The following DNAH14 variants were observed in gnomAD, a reference collection of about 807,000 sequenced individuals.
DNAH14 encodes dynein axonemal heavy chain 14.
In DNAH14, 478 loss-of-function variants were observed where a neutral mutation model predicts 520.9. The observed-to-expected ratio is 0.92, with a 90% CI of 0.85 to 0.99. The LOEUF (loss-of-function observed/expected upper bound fraction) is 0.99. DNAH14 is among the 50% of genes least tolerant of loss of function. DNAH14 has a pLI of 0.00. For missense variants in DNAH14, 4,831 were observed against 5,234.5 expected, an observed-to-expected ratio of 0.92 and a Z score of 2.38; for synonymous variants, 1,581 against 1,757.2, an observed-to-expected ratio of 0.90 and a Z score of 2.51.
rs1391706094 is a variant in DNAH14 at position 224,929,769 on chromosome 1, G to A, written c.-100G>A. 2 of 701,966 alleles carry A rather than the reference G, an allele frequency of 2.8e-6. No individual in the cohort carries two copies. Among genetic ancestry groups the A allele is most frequent in the African/African-American group, 1.7e-5 (1 of 57,370 alleles). The allele number at this position is 701,966 out of a possible 1,614,324, so 43.5% of individuals were successfully genotyped here. A position where few individuals can be genotyped will look rare whatever the true frequency, so the allele number is the denominator to read the frequency against. On this transcript the variant is annotated 5_prime_UTR_variant, in exon 1 of 86. It adds an upstream start codon to the 5' untranslated region. Transcript: ENST00000682510. ...TCACCCTAGTCTGGCGCTCGCCGGC[G>A]TGGGCGGGCCGGACCTTCGCCGCTT...
intron 42 of DNAH14, among the ~76,000 whole-genome samples, chr1:225,236,945 C>T (rs2091629301): frequency 6.6e-6 from 1 of 151,872 alleles, no homozygotes; most frequent in South Asian, 2.1e-4. Context: ...TATGTAATGC[C>T]CTTCTTTGTC....
At chr1:225,310,664 T>C (rs2094345576) in intron 60 of DNAH14, among the ~76,000 whole-genome samples, 1 of 152,192 alleles carries the variant, frequency 6.6e-6, no homozygotes, top group African/African-American at 2.4e-5. Flanking sequence ...GTTCTCATTG[T>C]TCAACTCCCA....
At chr1:225,310,715 G>A (rs12403447) in intron 60 of DNAH14, among the ~76,000 whole-genome samples, 1 of 152,058 alleles carries the variant, frequency 6.6e-6, no homozygotes, top group African/African-American at 2.4e-5. Flanking sequence ...TTCTGTTCTT[G>A]TGTTAGTTTG....
chr1:225,007,539 C>A lies in DNAH14; in HGVS notation c.1102C>A (p.Leu368Ile). 1 of 1,521,768 alleles carries A rather than the reference C, an allele frequency of 6.6e-7. No homozygotes were observed. Among genetic ancestry groups the A allele is most frequent in the Non-Finnish European group, 8.8e-7 (1 of 1,131,580 alleles). 94.3% of individuals were successfully genotyped at this position (1,521,768 alleles called of 1,614,324 possible). A position where few individuals can be genotyped will look rare whatever the true frequency, so the allele number is the denominator to read the frequency against. The change falls in exon 10 of 86, where the codon CTA becomes ATA. Residue 368 changes from leucine to isoleucine, a missense_variant. By Grantham distance (5) the Leu-to-Ile change is conservative (BLOSUM62 2). Transcript: ENST00000682510. ...AATTTCAGAGATGAAAAGTACTTTT[C>A]TAAAGGTAATTCTTTAATTATATCA... ...KAISEMKSTF[L>I]KVAEKNEIKE...
intron 21 of DNAH14, among the ~76,000 whole-genome samples, chr1:225,087,703 A>G (rs969613834): frequency 3.3e-5 from 5 of 152,204 alleles, no homozygotes; most frequent in Admixed American, 2.0e-4. Context: ...GGTCTGGAGA[A>G]CCAATGGAGG....
chr1:225,082,171 G>GGTTTGTGTGTGTGT (rs1553434194), intron 19 of DNAH14, among the ~76,000 whole-genome samples: 1 of 145,212 alleles, frequency 6.9e-6, no homozygotes, highest in Non-Finnish European at 1.5e-5. Flanking sequence ...GAATGTTTGT[G>GGTTTGTGTGTGTGT]GTGTGTGTGT....
At chr1:225,315,532 GA>G (rs1254527324) in intron 60 of DNAH14, among the ~76,000 whole-genome samples, 1 of 152,012 alleles carries the variant, frequency 6.6e-6, no homozygotes, top group Non-Finnish European at 1.5e-5. Context: ...CTGTGTTTTG[GA>G]ATTTTCAGCA....
intron 35 of DNAH14, among the ~76,000 whole-genome samples, chr1:225,167,467 T>A (rs1357273751): frequency 6.6e-6 from 1 of 152,204 alleles, no homozygotes; most frequent in African/African-American, 2.4e-5. Context: ...AACCACATCA[T>A]GTCTTTAATC....
rs754883143 is a variant in DNAH14 at position 225,364,812 on chromosome 1, C to T, written c.12008C>T (p.Thr4003Ile). The T allele has an allele frequency of 1.2e-5, 18 of 1,547,734 alleles. No individual in the cohort carries two copies. The African/African-American group carries it at 1.9e-4, about 17-fold the overall frequency. ...IVESFNSPNV[T>I]IDPEFRLWLS... ...TGCAGTTTTAATAGTCCAAACGTGACAATAGACCCTGAGTTTCGGCTATGG... is the reference window on the plus strand; with the variant it reads ...TGCAGTTTTAATAGTCCAAACGTGATAATAGACCCTGAGTTTCGGCTATGG... Residue 4003 changes from threonine (T) to isoleucine (I), a missense_variant, in exon 76 of 86, where the codon ACA becomes ATA. By Grantham distance (89) the Thr-to-Ile change is moderately conservative. Transcript: ENST00000682510.
At chr1:225,125,720 C>T (rs1239142238) in intron 27 of DNAH14, among the ~76,000 whole-genome samples, 1 of 152,226 alleles carries the variant, frequency 6.6e-6, no homozygotes, top group Non-Finnish European at 1.5e-5. Context: ...AGTGTGTTCA[C>T]AGGAGTAGCA....
chr1:225,374,961 T>C, intron 78 of DNAH14, 76 bp downstream of exon 78: 2 of 1,307,764 alleles, frequency 1.5e-6, no homozygotes, highest in South Asian at 1.7e-5. Flanking sequence ...AAAATACATA[T>C]TTAAATAAAT....
chr1:225,021,771 C>CA (rs999936494), intron 10 of DNAH14, among the ~76,000 whole-genome samples: 59 of 148,512 alleles, frequency 4.0e-4, no homozygotes, highest in Admixed American at 6.0e-4. Flanking sequence ...TTTCACAATT[C>CA]AAAAAAAAAA....
At chr1:225,061,343 A>G (rs1273243808) in intron 17 of DNAH14, among the ~76,000 whole-genome samples, 1 of 152,182 alleles carries the variant, frequency 6.6e-6, no homozygotes, top group Non-Finnish European at 1.5e-5. Flanking sequence ...CTGGTGTGCC[A>G]TTTGCTAAGT....
At position 225,085,577 on chromosome 1, in the gene DNAH14, T is replaced by C. The variant is rs1009499343; in HGVS notation, c.3361T>C (p.Ser1121Pro). 3.2e-6 allele frequency: 5 copies of C among 1,548,778 alleles called. No homozygotes were observed. The highest frequency in any genetic ancestry group is 2.0e-5 in the Admixed American group (1 of 50,958). The change falls in exon 21 of 86, where the codon TCA becomes CCA. Residue 1121 changes from serine to proline, a missense_variant. Coordinates refer to ENST00000682510, the MANE Select transcript of DNAH14 (RefSeq NM_001367479.1). Reference sequence around the variant, plus strand: ...GTATGAAAATGAAATAAATGATATGTCAACCTCAGCAACTAATGAAGCTGC... The same window carrying C: ...GTATGAAAATGAAATAAATGATATGCCAACCTCAGCAACTAATGAAGCTGC... ...FQYENEINDM[S>P]TSATNEAALE...
chr1:225,078,386 C>T (rs937836501), intron 17 of DNAH14, among the ~76,000 whole-genome samples: 1 of 152,162 alleles, frequency 6.6e-6, no homozygotes, highest in Non-Finnish European at 1.5e-5. Flanking sequence ...TTATTATGCA[C>T]CGTTCACATT....
At chr1:225,057,730 T>C (rs1012130459) in intron 17 of DNAH14, among the ~76,000 whole-genome samples, 24 of 152,334 alleles carry the variant, frequency 1.6e-4, no homozygotes, top group South Asian at 4.1e-4. Context: ...TGAGAGTTCT[T>C]AGCATGAAGG....
chr1:225,170,126 A>G (rs998352152), intron 36 of DNAH14, among the ~76,000 whole-genome samples: 42 of 152,216 alleles, frequency 2.8e-4, no homozygotes, highest in African/African-American at 1.0e-3. Flanking sequence ...GAAGCACTAA[A>G]CATGGAAAGG....
intron 8 of DNAH14, among the ~76,000 whole-genome samples, chr1:224,989,865 G>A (rs79981611): frequency 2.0e-5 from 3 of 151,968 alleles, no homozygotes; most frequent in African/African-American, 7.2e-5. Context: ...AAAGTACATT[G>A]ATAGATTTTT....
intron 23 of DNAH14, among the ~76,000 whole-genome samples, chr1:225,113,975 T>C (rs1437134404): frequency 1.3e-5 from 2 of 152,176 alleles, no homozygotes. Context: ...CTCTACCCCA[T>C]TGTAGCCAAG....
Sources: allele counts gnomAD v4.1 joint callset (sites outside exome capture counted in the v4.1 genomes callset), GRCh38; gene constraint gnomAD v4.1.1; transcripts MANE v1.5; gene names NCBI Gene and HGNC (gene_info 2026-07-23, HGNC 2026-07-21).